NEGR1: variants seen among roughly 807,000 people sequenced by gnomAD.
NEGR1 encodes neuronal growth regulator 1, also known as IgLON family member 4.
A neutral mutation model predicts 40.9 loss-of-function variants in NEGR1; 10 were observed. The observed-to-expected ratio is 0.24, with a 90% CI of 0.15 to 0.42. The LOEUF (loss-of-function observed/expected upper bound fraction) is 0.42. Ranked by LOEUF, NEGR1 falls within the 10% of genes least tolerant of loss-of-function variation. The probability of loss-of-function intolerance (pLI) is 1.00; values close to 1 mark genes in which losing one functional copy is unlikely to be tolerated. For missense variants in NEGR1, 352 were observed against 438.9 expected (o/e 0.80, Z 1.77); for synonymous variants, 185 against 166.8 (o/e 1.11, Z -0.84).
intron 1 of NEGR1, among the ~76,000 whole-genome samples, chr1:72,174,593 C>G (rs1652095385): frequency 6.6e-6 from 1 of 152,080 alleles, no homozygotes; most frequent in South Asian, 2.1e-4. Context: ...CGTAAGTTAA[C>G]TGAGACCTGA....
chr1:71,932,154 T>C (rs1185077825), intron 2 of NEGR1, among the ~76,000 whole-genome samples: 1 of 152,174 alleles, frequency 6.6e-6, no homozygotes, highest in East Asian at 1.9e-4. Flanking sequence ...GAGTAAGTAG[T>C]AACAGGAGCT....
chr1:71,779,074 T>A (rs1656610971), intron 2 of NEGR1, among the ~76,000 whole-genome samples: 1 of 152,146 alleles, frequency 6.6e-6, no homozygotes, highest in African/African-American at 2.4e-5. Context: ...GGGAAGAGGA[T>A]GTTAGTAAGA....
intron 6 of NEGR1, among the ~76,000 whole-genome samples, chr1:71,528,439 ACTCAAT>A (rs1647266268): frequency 6.6e-6 from 1 of 151,328 alleles, no homozygotes; most frequent in Non-Finnish European, 1.5e-5. Context: ...TACAGCTGTT[ACTCAAT>A]AAAGTTTTGC....
chr1:72,126,992 A>G (rs892404712), intron 1 of NEGR1, among the ~76,000 whole-genome samples: 2 of 152,194 alleles, frequency 1.3e-5, no homozygotes, highest in Non-Finnish European at 2.9e-5. Flanking sequence ...GGGAGTCACT[A>G]TCTGTCTCTC....
At chr1:71,493,252 G>A (rs992632135) in intron 6 of NEGR1, among the ~76,000 whole-genome samples, 19 of 152,052 alleles carry the variant, frequency 1.2e-4, no homozygotes, top group Non-Finnish European at 2.5e-4. Flanking sequence ...AAGACCCACC[G>A]AATTCTAAAA....
intron 4 of NEGR1, among the ~76,000 whole-genome samples, chr1:71,627,812 G>T (rs1003901351): frequency 2.6e-5 from 4 of 152,050 alleles, no homozygotes; most frequent in African/African-American, 9.7e-5. Flanking sequence ...GCCTTGAAGA[G>T]AAAGTTTGTT....
At chr1:72,043,528 C>T in intron 1 of NEGR1, among the ~76,000 whole-genome samples, 1 of 151,664 alleles carries the variant, frequency 6.6e-6, no homozygotes, top group Non-Finnish European at 1.5e-5. Flanking sequence ...GAATGAATAT[C>T]AAAAATTTAA....
intron 6 of NEGR1, among the ~76,000 whole-genome samples, chr1:71,591,005 G>C (rs1297096156): frequency 1.3e-5 from 2 of 152,118 alleles, no homozygotes; most frequent in African/African-American, 4.8e-5. Context: ...ATTTGATGGA[G>C]AGATGGAATA....
At chr1:71,928,376 A>G (rs1316134547) in intron 2 of NEGR1, among the ~76,000 whole-genome samples, 1 of 144,280 alleles carries the variant, frequency 6.9e-6, no homozygotes, top group African/African-American at 2.5e-5. Context: ...ATATGTATAT[A>G]TGTATATATA....
chr1:72,049,050 C>A (rs1333113340), intron 1 of NEGR1, among the ~76,000 whole-genome samples: 2 of 151,484 alleles, frequency 1.3e-5, no homozygotes, highest in Non-Finnish European at 3.0e-5. Context: ...ACCAAAATTT[C>A]TCTGAGGAAG....
At chr1:71,753,790 G>A (rs943833928) in intron 3 of NEGR1, among the ~76,000 whole-genome samples, 27 of 151,002 alleles carry the variant, frequency 1.8e-4, no homozygotes, top group African/African-American at 6.5e-4. Flanking sequence ...CATATGCTCT[G>A]TAACATTTCA....
intron 2 of NEGR1, among the ~76,000 whole-genome samples, chr1:71,930,404 A>T (rs1645843918): frequency 6.6e-6 from 1 of 152,170 alleles, no homozygotes; most frequent in Non-Finnish European, 1.5e-5. Flanking sequence ...GCTTTCAGAA[A>T]TCTTAGAAAT....
intron 2 of NEGR1, among the ~76,000 whole-genome samples, chr1:71,925,432 G>A (rs1645763514): frequency 1.3e-5 from 2 of 152,166 alleles, no homozygotes; most frequent in South Asian, 2.1e-4. Context: ...GATGGGTGGC[G>A]AAGTATGGGA....
At chr1:71,720,967 A>G (rs182021214) in intron 3 of NEGR1, among the ~76,000 whole-genome samples, 2 of 152,302 alleles carry the variant, frequency 1.3e-5, no homozygotes, top group Admixed American at 6.5e-5. Context: ...CAGCACTGCA[A>G]TATCCTTTCA....
chr1:71,638,033 G>A (rs886203941), intron 4 of NEGR1, among the ~76,000 whole-genome samples: 9 of 151,994 alleles, frequency 5.9e-5, no homozygotes, highest in African/African-American at 2.2e-4. Flanking sequence ...GAGAGGTTAA[G>A]GAATCTTCCC....
At chr1:71,646,931 C>CA (rs140742010) in intron 4 of NEGR1, among the ~76,000 whole-genome samples, 4,398 of 151,832 alleles carry the variant, frequency 0.029, 179 homozygotes, top group African/African-American at 0.094. Context: ...ATTTAAGAAA[C>CA]AGACTATAAG....
At chr1:71,552,298 C>A (rs1648109947) in intron 6 of NEGR1, among the ~76,000 whole-genome samples, 2 of 150,454 alleles carry the variant, frequency 1.3e-5, no homozygotes, top group Admixed American at 1.3e-4. Context: ...GATTCTCATC[C>A]TGTGGCCCTT....
intron 1 of NEGR1, among the ~76,000 whole-genome samples, chr1:72,028,631 C>T (rs551781878): frequency 9.2e-5 from 14 of 152,316 alleles, no homozygotes; most frequent in African/African-American, 3.1e-4. Flanking sequence ...CTTGTACACA[C>T]TGATACCTTT....
chr1:71,598,059 C>T lies in NEGR1; in HGVS notation c.789-5091G>A, dbSNP rs866577975. Among the ~76,000 whole-genome samples, 5 of 152,032 alleles carry T rather than the reference C, an allele frequency of 3.3e-5. No homozygotes were observed. The East Asian group carries it at 5.8e-4, about 18-fold the overall frequency. ...TCCTAGGAGGTAGTTGTTATTAGTC[C>T]CATTTTATAGGTGAGAAAACAGACA... On this transcript the variant is annotated intron_variant, in intron 5 of 6. Coordinates refer to ENST00000357731, the MANE Select transcript of NEGR1 (RefSeq NM_173808.3).
Sources: allele counts gnomAD v4.1 joint callset (sites outside exome capture counted in the v4.1 genomes callset), GRCh38; gene constraint gnomAD v4.1.1; transcripts MANE v1.5; gene names NCBI Gene and HGNC (gene_info 2026-07-23, HGNC 2026-07-21).